Variants in HIBADH observed in about 807,000 individuals in gnomAD.
HIBADH encodes 3-hydroxyisobutyrate dehydrogenase, mitochondrial.
In HIBADH, 25 loss-of-function variants were observed where a neutral mutation model predicts 36.1. The observed-to-expected ratio is 0.69, with a 90% CI of 0.50 to 0.97. HIBADH has a LOEUF of 0.97. Among genes scored for constraint, HIBADH ranks in the 50% least tolerant of loss-of-function variants. The pLI is 0.00. For synonymous variants in HIBADH, 160 were observed against 149.5 expected (o/e 1.07, Z -0.51); for missense variants, 421 against 418.0 (o/e 1.01, Z -0.06).
intron 4 of HIBADH, among the ~76,000 whole-genome samples, chr7:27,580,336 C>T (rs1784770091): frequency 1.3e-5 from 2 of 152,004 alleles, no homozygotes; most frequent in Non-Finnish European, 2.9e-5. Context: ...GAAACTGCCA[C>T]CAGAGAAATT....
Position 27,640,956 on chromosome 7 carries a change from C to T in HIBADH, c.253-8511G>A, listed in dbSNP as rs150206508. Among the ~76,000 whole-genome samples, 413 of 152,214 alleles carry T rather than the reference C, an allele frequency of 2.7e-3. 3 individuals carry two copies. The highest frequency in any genetic ancestry group is 9.1e-3 in the African/African-American group (379 of 41,520). On this transcript the variant is annotated intron_variant, in intron 2 of 7. Transcript: ENST00000265395. ...AACATCCTTATGAGGTGCATGACTA[C>T]GGTTTTACTAAAGCTTGAAGAAAAG...
intron 4 of HIBADH, among the ~76,000 whole-genome samples, chr7:27,614,426 G>A (rs535540253): frequency 6.6e-6 from 1 of 152,220 alleles, no homozygotes; most frequent in African/African-American, 2.4e-5. Flanking sequence ...CCGCAAGAAG[G>A]CTCAAAATAT....
chr7:27,654,600 A>C (rs11764419), intron 1 of HIBADH, among the ~76,000 whole-genome samples: 21,227 of 152,140 alleles, frequency 0.14, 1,685 homozygotes, highest in African/African-American at 0.18. Flanking sequence ...TCAAGCTAGA[A>C]ATCTATAACC....
At chr7:27,552,746 T>C (rs1336636678) in intron 4 of HIBADH, among the ~76,000 whole-genome samples, 1 of 152,212 alleles carries the variant, frequency 6.6e-6, no homozygotes, top group Admixed American at 6.5e-5. Context: ...TGAATGCAAT[T>C]TGCCTTCTCT....
chr7:27,580,439 G>A (rs1364162200), intron 4 of HIBADH, among the ~76,000 whole-genome samples: 1 of 152,182 alleles, frequency 6.6e-6, no homozygotes, highest in Non-Finnish European at 1.5e-5. Flanking sequence ...AACTAGGACT[G>A]TGTGCATAAA....
chr7:27,583,720 A>C (rs34764301), intron 4 of HIBADH, among the ~76,000 whole-genome samples: 5,247 of 151,958 alleles, frequency 0.035, 282 homozygotes, highest in African/African-American at 0.12. Flanking sequence ...TGGTTCTTAA[A>C]CTTTTTGGTC....
chr7:27,649,966 G>A (rs1041522184), intron 1 of HIBADH, among the ~76,000 whole-genome samples: 8 of 151,592 alleles, frequency 5.3e-5, no homozygotes, highest in African/African-American at 1.7e-4. Flanking sequence ...TATCAACAAT[G>A]TGCAGGCAGA....
chr7:27,585,867 AATGTT>A (rs1784854665), intron 4 of HIBADH, among the ~76,000 whole-genome samples: 1 of 152,132 alleles, frequency 6.6e-6, no homozygotes, highest in African/African-American at 2.4e-5. Flanking sequence ...TTTTGGAGAA[AATGTT>A]ATAAGATGGC....
At chr7:27,574,857 A>G (rs573065151) in intron 4 of HIBADH, among the ~76,000 whole-genome samples, 43 of 152,240 alleles carry the variant, frequency 2.8e-4, no homozygotes, top group Non-Finnish European at 4.6e-4. Flanking sequence ...CAAAATGAAC[A>G]TACCATTTTA....
chr7:27,632,206 T>C, intron 3 of HIBADH, 130 bp downstream of exon 3: 1 of 623,054 alleles, frequency 1.6e-6, no homozygotes, highest in Non-Finnish European at 2.8e-6. Context: ...ACCACCACAC[T>C]ATTCACTTTA....
chr7:27,661,613 CG>C (rs1161114386), intron 1 of HIBADH, among the ~76,000 whole-genome samples: 2 of 140,638 alleles, frequency 1.4e-5, no homozygotes, highest in East Asian at 2.1e-4. Context: ...AAAAAAAGGG[CG>C]GGGGGCCAAG....
At chr7:27,661,575 G>A (rs1399985022) in intron 1 of HIBADH, among the ~76,000 whole-genome samples, 1 of 99,502 alleles carries the variant, frequency 1.0e-5, no homozygotes, top group Non-Finnish European at 1.8e-5. Context: ...GGGCGACAGA[G>A]ACCCTGTCTC....
intron 4 of HIBADH, among the ~76,000 whole-genome samples, chr7:27,618,557 C>A (rs1204868684): frequency 6.6e-6 from 1 of 152,240 alleles, no homozygotes; most frequent in Non-Finnish European, 1.5e-5. Context: ...GCCCCCGCTG[C>A]CACTACTGGC....
chr7:27,589,678 A>C (rs1784912672), intron 4 of HIBADH, among the ~76,000 whole-genome samples: 1 of 152,234 alleles, frequency 6.6e-6, no homozygotes, highest in Non-Finnish European at 1.5e-5. Flanking sequence ...AGGAAAACTG[A>C]AATCAAGTAC....
intron 2 of HIBADH, among the ~76,000 whole-genome samples, chr7:27,642,249 T>G (rs1321939999): frequency 6.6e-6 from 1 of 152,226 alleles, no homozygotes; most frequent in Non-Finnish European, 1.5e-5. Flanking sequence ...TTACAATCTT[T>G]GTTGGGTGAG....
At chr7:27,640,715 C>G (rs574458475) in intron 2 of HIBADH, among the ~76,000 whole-genome samples, 1 of 152,074 alleles carries the variant, frequency 6.6e-6, no homozygotes, top group Non-Finnish European at 1.5e-5. Flanking sequence ...TCATGTTGCA[C>G]GAACATCAGA....
intron 7 of HIBADH, among the ~76,000 whole-genome samples, chr7:27,527,918 G>GTTTTTTTTTTTTTT (rs746260280): frequency 1.6e-5 from 1 of 61,704 alleles, no homozygotes; most frequent in African/African-American, 5.6e-5. Context: ...CACACCCAGC[G>GTTTTTTTTTTTTTT]TTTTTTTTTT....
intron 4 of HIBADH, among the ~76,000 whole-genome samples, chr7:27,622,989 T>G (rs1222146095): frequency 3.3e-5 from 5 of 152,134 alleles, no homozygotes; most frequent in African/African-American, 1.2e-4. Context: ...ATATACCTGA[T>G]GAACACAGGT....
intron 7 of HIBADH, among the ~76,000 whole-genome samples, chr7:27,526,651 CT>C (rs1233872199): frequency 6.6e-6 from 1 of 152,080 alleles, no homozygotes; most frequent in Non-Finnish European, 1.5e-5. Flanking sequence ...AAAAATTTCC[CT>C]GTGTAATCTT....
Sources: allele counts gnomAD v4.1 joint callset (sites outside exome capture counted in the v4.1 genomes callset), GRCh38; gene constraint gnomAD v4.1.1; transcripts MANE v1.5; gene names NCBI Gene and HGNC (gene_info 2026-07-23, HGNC 2026-07-21).